The following NOTCH1 variants were observed in gnomAD, a reference collection of about 807,000 sequenced individuals.
NOTCH1 encodes neurogenic locus notch homolog protein 1.
In NOTCH1, 37 loss-of-function variants were observed where a neutral mutation model predicts 254.8. The observed-to-expected ratio is 0.15, with a 90% CI of 0.11 to 0.19. The LOEUF is 0.19. Among genes scored for constraint, NOTCH1 ranks in the 10% least tolerant of loss-of-function variants. NOTCH1 has a pLI of 1.00. For synonymous variants in NOTCH1, 1,731 were observed against 1,618.1 expected (o/e 1.07, Z -1.68); for missense variants, 2,972 against 3,708.6 (o/e 0.80, Z 5.16).
rs780161805 is a variant in NOTCH1, at chr9:136,502,111, G to A, written c.5385-23C>T. 4.3e-6 allele frequency: 7 copies of A among 1,612,044 alleles called. No homozygotes were observed. The African/African-American group carries it at 5.3e-5, about 12-fold the overall frequency. ...GGCCTGGGGGGTGAGGGGTCGAGAAGTGAGGCTGAGCGAGCTCCCTAGGAA... is the reference window on the plus strand; with the variant it reads ...GGCCTGGGGGGTGAGGGGTCGAGAAATGAGGCTGAGCGAGCTCCCTAGGAA... On this transcript the variant is annotated intron_variant, in intron 28 of 33. Coordinates refer to ENST00000651671, the MANE Select transcript of NOTCH1 (RefSeq NM_017617.5).
At chr9:136,536,346 G>T (rs1045654578) in intron 2 of NOTCH1, among the ~76,000 whole-genome samples, 12 of 152,180 alleles carry the variant, frequency 7.9e-5, no homozygotes, top group Non-Finnish European at 1.3e-4. Context: ...AGAGTGAGGG[G>T]CCAGGTTCCT....
At chr9:136,498,777 C>T in intron 33 of NOTCH1, 122 bp downstream of exon 33, 2 of 1,173,254 alleles carry the variant, frequency 1.7e-6, no homozygotes, top group Non-Finnish European at 2.5e-6. Context: ...CACATGCGGG[C>T]CCAGCGACCC....
At chr9:136,532,064 G>A (rs566242381) in intron 2 of NOTCH1, among the ~76,000 whole-genome samples, 1 of 152,322 alleles carries the variant, frequency 6.6e-6, no homozygotes, top group Non-Finnish European at 1.5e-5. Flanking sequence ...CGTGATCACC[G>A]GGCGCCTGGG....
At chr9:136,498,741 G>A (rs1181902262) in intron 33 of NOTCH1, among the ~76,000 whole-genome samples, 158 bp downstream of exon 33, 1 of 152,196 alleles carries the variant, frequency 6.6e-6, no homozygotes, top group Non-Finnish European at 1.5e-5. Flanking sequence ...GCACTAACGA[G>A]GTGCCCGCAT....
intron 5 of NOTCH1, 119 bp downstream of exon 5, chr9:136,519,324 A>C: frequency 2.1e-6 from 3 of 1,433,068 alleles, no homozygotes; most frequent in Non-Finnish European, 2.9e-6. Flanking sequence ...GGCCAACCCT[A>C]GTCTGCCTGG....
chr9:136,517,060 C>T (rs1011929553), intron 9 of NOTCH1, among the ~76,000 whole-genome samples: 10 of 149,682 alleles, frequency 6.7e-5, no homozygotes, highest in East Asian at 2.0e-4. Context: ...GGGGTGCAGA[C>T]GGCCCAGGAG....
rs568313769 is a variant in NOTCH1 at position 136,516,459 on chromosome 9, G to A, written c.1556-365C>T. Among the ~76,000 whole-genome samples, 19 of 152,234 alleles carry A rather than the reference G, an allele frequency of 1.2e-4. 1 individual carries two copies. The South Asian group carries it at 2.7e-3, about 22-fold the overall frequency. ...AACGCCTCCCTGGGCTCTGCGCCCCGGCCCCCAGCTCTGGGACAGATGGAA... is the reference window on the plus strand; with the variant it reads ...AACGCCTCCCTGGGCTCTGCGCCCCAGCCCCCAGCTCTGGGACAGATGGAA... On this transcript the variant is annotated intron_variant, in intron 9 of 33. Transcript: ENST00000651671.
rs61751546 is a variant in NOTCH1 at position 136,508,263 on chromosome 9, G to C, written c.3294C>G (p.Ser1098Arg). 1.2e-6 allele frequency: 2 copies of C among 1,612,598 alleles called. No individual in the cohort carries two copies. Among genetic ancestry groups the C allele is most frequent in the Non-Finnish European group, 1.7e-6 (2 of 1,179,934 alleles). Reference sequence around the variant, plus strand: ...GCTGCGCAGCCACCTCACAGGACACGCTGGGCACGTCGCAGTAAAGGCCGG... The same window carrying C: ...GCTGCGCAGCCACCTCACAGGACACCCTGGGCACGTCGCAGTAAAGGCCGG... ...GWTGLYCDVP[S>R]VSCEVAAQRQ... The change falls in exon 20 of 34, where the codon AGC becomes AGG. Residue 1098 changes from serine to arginine, a missense_variant. By Grantham distance (110) the Ser-to-Arg change is moderately radical. Around this residue, in one of 8 missense-constraint regions of NOTCH1, gnomAD observed 1,343 missense variants for 1,557.0 expected, o/e 0.86. Transcript: ENST00000651671.
intron 29 of NOTCH1, 26 bp downstream of exon 29, chr9:136,501,975 A>AGGAGCCCG: frequency 6.2e-7 from 1 of 1,611,794 alleles, no homozygotes; most frequent in Non-Finnish European, 8.5e-7. Context: ...CCGGGAGCCC[A>AGGAGCCCG]GGAGCCCGGG....
chr9:136,516,911 GC>G (rs1843281744), intron 9 of NOTCH1, among the ~76,000 whole-genome samples: 1 of 151,884 alleles, frequency 6.6e-6, no homozygotes, highest in South Asian at 2.1e-4. Context: ...CAATGGCCAG[GC>G]CCCCCTCAGA....
chr9:136,512,103 C>T (rs1031174397), intron 15 of NOTCH1, among the ~76,000 whole-genome samples: 1 of 152,204 alleles, frequency 6.6e-6, no homozygotes, highest in Non-Finnish European at 1.5e-5. Flanking sequence ...AAGCAGGAAG[C>T]GGGCAGATAG....
intron 6 of NOTCH1, 42 bp downstream of exon 6, chr9:136,518,549 C>T (rs1843314966): frequency 6.4e-7 from 1 of 1,559,850 alleles, no homozygotes; most frequent in East Asian, 2.3e-5. Context: ...AGGCCTGGCC[C>T]ATGTGAGCCC....
chr9:136,518,643 G>A lies in NOTCH1; in HGVS notation c.1047C>T (p.Thr349=), dbSNP rs755872359. 6 of 1,611,938 alleles carry A rather than the reference G, an allele frequency of 3.7e-6. No individual in the cohort carries two copies. The highest frequency in any genetic ancestry group is 1.1e-5 in the South Asian group (1 of 91,050). The part of the protein sequence containing the change: ...CASAACFHGA[T]CHDRVASFYC... Reference sequence around the variant, plus strand: ...AGAAGGAGGCCACACGGTCATGGCAGGTGGCGCCGTGGAAGCAGGCGGCGC... The same window carrying A: ...AGAAGGAGGCCACACGGTCATGGCAAGTGGCGCCGTGGAAGCAGGCGGCGC... The change falls in exon 6 of 34, where the codon ACC becomes ACT. Residue 349 remains threonine (T), a synonymous_variant. Coordinates refer to ENST00000651671, the MANE Select transcript of NOTCH1 (RefSeq NM_017617.5).
Position 136,514,602 on chromosome 9 carries a change from G to A in NOTCH1, c.2115C>T (p.Pro705=), listed in dbSNP as rs777838108. Residue 705 remains proline, a synonymous_variant, in exon 13 of 34, where the codon CCC becomes CCT. Transcript: ENST00000651671. ...DGINGFTCRC[P]EGYHDPTCLS... is the part of the protein sequence containing the mutation. ...GGCAGGTGGGGTCGTGGTAGCCCTC[G>A]GGGCAGCGGCAGGTGAAGCCATTGA... is the stretch of plus-strand genomic sequence containing the variant. The A allele has an allele frequency of 4.3e-6, 7 of 1,609,832 alleles. No homozygotes were observed. In the Admixed American group the frequency reaches 5.0e-5, roughly 12 times the overall value.
At chr9:136,505,970 A>G in intron 24 of NOTCH1, 89 bp from the exon 25 acceptor site, 1 of 1,201,862 alleles carries the variant, frequency 8.3e-7, no homozygotes, top group Non-Finnish European at 1.2e-6. Flanking sequence ...CAGCAGTGCC[A>G]CCGCTCTCCT....
intron 2 of NOTCH1, among the ~76,000 whole-genome samples, chr9:136,542,325 G>C (rs550912809): frequency 6.6e-6 from 1 of 152,178 alleles, no homozygotes; most frequent in African/African-American, 2.4e-5. Flanking sequence ...GAATGGGTGA[G>C]AGGCAAAGTC....
intron 6 of NOTCH1, 49 bp from the exon 7 acceptor site, chr9:136,518,341 G>A (rs1179414043): frequency 6.3e-7 from 1 of 1,578,996 alleles, no homozygotes; most frequent in Admixed American, 1.8e-5. Flanking sequence ...GCCAGGCATG[G>A]CACACCACCC....
At chr9:136,516,785 C>A (rs527919939) in intron 9 of NOTCH1, among the ~76,000 whole-genome samples, 1 of 152,204 alleles carries the variant, frequency 6.6e-6, no homozygotes, top group Admixed American at 6.5e-5. Context: ...TCCACCGCGA[C>A]CCCTGGGCAA....
chr9:136,512,042 G>A (rs569523803), intron 15 of NOTCH1, among the ~76,000 whole-genome samples: 1 of 152,244 alleles, frequency 6.6e-6, no homozygotes, highest in African/African-American at 2.4e-5. Flanking sequence ...TTTCCACGGT[G>A]ACCCGGGCAG....
Sources: allele counts gnomAD v4.1 joint callset (sites outside exome capture counted in the v4.1 genomes callset), GRCh38; gene constraint gnomAD v4.1.1; regional missense constraint gnomAD v4.1.1; transcripts MANE v1.5; gene names NCBI Gene and HGNC (gene_info 2026-07-23, HGNC 2026-07-21).